Variants in HEMK1 observed in about 807,000 individuals in gnomAD.
HEMK1 encodes the protein HemK methyltransferase 1, mitochondrial release factors N(5)-glutamine, also known as MTRF1L release factor glutamine methyltransferase.
A neutral mutation model predicts 47.9 loss-of-function variants in HEMK1; 36 were observed. That is an observed-to-expected ratio of 0.75 (90% confidence interval 0.58 to 0.99). The LOEUF (loss-of-function observed/expected upper bound fraction) is 0.99. Ranked by LOEUF, HEMK1 falls within the 50% of genes least tolerant of loss-of-function variation. The probability of loss-of-function intolerance (pLI) is 0.00; values close to 1 mark genes in which losing one functional copy is unlikely to be tolerated. For missense variants in HEMK1, 383 were observed against 434.5 expected, an observed-to-expected ratio of 0.88 and a Z score of 1.05; for synonymous variants, 153 against 165.4, an observed-to-expected ratio of 0.93 and a Z score of 0.57.
Position 50,580,149 on chromosome 3 carries a change from G to A in HEMK1, c.900G>A (p.Pro300=), listed in dbSNP as rs145272024. 729 of 1,614,152 alleles carry A rather than the reference G, an allele frequency of 4.5e-4. No individual in the cohort carries two copies. The highest frequency in any genetic ancestry group is 5.6e-4 in the Non-Finnish European group (666 of 1,180,014). ...TCTTAGAAGTGGACCCAAGGCACCCGGAGCTTGTCAGCAGCTGGCTTCAGA... is the reference window on the plus strand; with the variant it reads ...TCTTAGAAGTGGACCCAAGGCACCCAGAGCTTGTCAGCAGCTGGCTTCAGA... ...SIFLEVDPRH[P]ELVSSWLQSR... The change falls in exon 10 of 11, where the codon CCG becomes CCA. Residue 300 remains proline (P), a synonymous_variant. Transcript: ENST00000232854.
chr3:50,588,980 C>A lies in HEMK1; in HGVS notation c.*8563C>A, dbSNP rs1487226639. 1.3e-5 allele frequency: 2 copies of A among 152,202 alleles called. No homozygotes were observed. The highest frequency in any genetic ancestry group is 2.9e-5 in the Non-Finnish European group (2 of 68,030). 9.4% of individuals were successfully genotyped at this position (152,202 alleles called of 1,614,324 possible). ...CCCAGAACTTTGGAGCTCATTCTTTCAAAGTACATTTCATGTGCAACTGAA... is the reference window on the plus strand; with the variant it reads ...CCCAGAACTTTGGAGCTCATTCTTTAAAAGTACATTTCATGTGCAACTGAA... On this transcript the variant is annotated 3_prime_UTR_variant, in exon 11 of 11. Coordinates refer to ENST00000232854, the MANE Select transcript of HEMK1 (RefSeq NM_016173.5).
In HEMK1 at chr3:50,577,079, G is replaced by A. The variant is rs532888829; in HGVS notation, c.442G>A (p.Val148Met). 5.0e-6 allele frequency: 8 copies of A among 1,613,996 alleles called. No homozygotes were observed. The highest frequency in any genetic ancestry group is 6.8e-6 in the Non-Finnish European group (8 of 1,179,978). The change falls in exon 5 of 11, where the codon GTG becomes ATG. Residue 148 changes from valine (V) to methionine (M), a missense_variant. Val to Met is a conservative substitution (Grantham distance 21). Transcript: ENST00000232854. The stretch of plus-strand genomic sequence containing the variant: ...ACTGGTTGAGTGGGTGCTGGAAGAG[G>A]TGGCCCAGAGGTCCCATGCTGTGGG... ...EELVEWVLEE[V>M]AQRSHAVGSP...
chr3:50,578,409 A>G (rs1175489957), intron 7 of HEMK1, among the ~76,000 whole-genome samples: 1 of 152,214 alleles, frequency 6.6e-6, no homozygotes, highest in Non-Finnish European at 1.5e-5. Context: ...TGAAACCAGT[A>G]GTCAGAGCCA....
chr3:50,575,633 G>A (rs1701506108), intron 4 of HEMK1, among the ~76,000 whole-genome samples: 1 of 152,138 alleles, frequency 6.6e-6, no homozygotes, highest in South Asian at 2.1e-4. Context: ...GCTTGAGGAA[G>A]GCTTTCTGGA....
Position 50,571,169 on chromosome 3 carries a change from G to A in HEMK1, c.65G>A (p.Arg22Gln), listed in dbSNP as rs373670579. The A allele has an allele frequency of 3.3e-5, 54 of 1,613,428 alleles. 1 individual carries two copies. Among genetic ancestry groups the A allele is most frequent in the Middle Eastern group, 1.6e-4 (1 of 6,068 alleles). Reference protein sequence around the residue: ...LSGPGRRGSTRGWAFSSWQPQ... With the variant: ...LSGPGRRGSTQGWAFSSWQPQ... ...GGCCCAGGGAGGAGGGGAAGTACCC[G>A]GGGCTGGGCCTTCAGCTCATGGCAA... is the stretch of plus-strand genomic sequence containing the variant. The change falls in exon 2 of 11, where the codon CGG becomes CAG. Residue 22 changes from arginine to glutamine, a missense_variant. Coordinates refer to ENST00000232854, the MANE Select transcript of HEMK1 (RefSeq NM_016173.5).
At chr3:50,579,736 A>C in intron 8 of HEMK1, 108 bp from the exon 9 acceptor site, 1 of 790,632 alleles carries the variant, frequency 1.3e-6, no homozygotes, top group Non-Finnish European at 2.1e-6. Flanking sequence ...CCTTCAGCCC[A>C]GAGTGTAAGT....
chr3:50,572,624 C>A (rs770418516), intron 4 of HEMK1, among the ~76,000 whole-genome samples: 2 of 152,232 alleles, frequency 1.3e-5, no homozygotes, highest in Non-Finnish European at 2.9e-5. Flanking sequence ...ATCAGCTGTG[C>A]AACCTTGGGC....
Position 50,595,850 on chromosome 3 carries a change from C to T in HEMK1, c.*15433C>T, listed in dbSNP as rs2031948434. The T allele has an allele frequency of 6.6e-6, 1 of 152,204 alleles. No individual in the cohort carries two copies. The highest frequency in any genetic ancestry group is 6.5e-5 in the Admixed American group (1 of 15,286). 9.4% of individuals were successfully genotyped at this position (152,204 alleles called of 1,614,324 possible). On this transcript the variant is annotated 3_prime_UTR_variant, in exon 11 of 11. Coordinates refer to ENST00000232854, the MANE Select transcript of HEMK1 (RefSeq NM_016173.5). ...TGACTCTCTTTCCTCCAGACCTCTC[C>T]TGCAAACAACGCAGGGGAGCCACGC...
intron 7 of HEMK1, among the ~76,000 whole-genome samples, chr3:50,578,324 T>G (rs2030129356): frequency 6.6e-6 from 1 of 152,176 alleles, no homozygotes; most frequent in Non-Finnish European, 1.5e-5. Context: ...CTCCATTGCC[T>G]TACCCGTGGG....
In HEMK1 at chr3:50,590,693, C is replaced by T. The variant is rs2031675940; in HGVS notation, c.*10276C>T. ...GCTCCAGCCCCCATAGCCTGAGGCT[C>T]CCGGCACCTCCCACCCAGCATCTGT... On this transcript the variant is annotated 3_prime_UTR_variant, in exon 11 of 11. Transcript: ENST00000232854. 1 of 152,236 alleles carries T rather than the reference C, an allele frequency of 6.6e-6. No individual in the cohort carries two copies. The highest frequency in any genetic ancestry group is 1.9e-4 in the East Asian group (1 of 5,194). 9.4% of individuals were successfully genotyped at this position (152,236 alleles called of 1,614,324 possible). A position where few individuals can be genotyped will look rare whatever the true frequency, so the allele number is the denominator to read the frequency against.
At chr3:50,578,959 C>A in intron 8 of HEMK1, 33 bp downstream of exon 8, 2 of 1,496,176 alleles carry the variant, frequency 1.3e-6, no homozygotes, top group Non-Finnish European at 1.8e-6. Context: ...GAGGCCAGGC[C>A]TGAAAAGGCC....
In HEMK1 at chr3:50,592,925, A is replaced by C. The variant is rs1304427680; in HGVS notation, c.*12508A>C. Reference sequence around the variant, plus strand: ...ACTCCTCTGTACCCTGAGCACCATCAACTGGGTGCCAGGCCTGTGCCTATA... The same window carrying C: ...ACTCCTCTGTACCCTGAGCACCATCCACTGGGTGCCAGGCCTGTGCCTATA... On this transcript the variant is annotated 3_prime_UTR_variant, in exon 11 of 11. Coordinates refer to ENST00000232854, the MANE Select transcript of HEMK1 (RefSeq NM_016173.5). 6.6e-6 allele frequency: 1 copy of C among 152,254 alleles called. No individual in the cohort carries two copies. The highest frequency in any genetic ancestry group is 1.5e-5 in the Non-Finnish European group (1 of 68,080). The allele number at this position is 152,254 out of a possible 1,614,324, so 9.4% of individuals were successfully genotyped here.
chr3:50,578,016 G>T (rs2030001277), intron 7 of HEMK1, 141 bp downstream of exon 7: 2 of 805,740 alleles, frequency 2.5e-6, no homozygotes. Context: ...ACACGTGTGT[G>T]TGTGCACGTT....
chr3:50,577,022 G>C lies in HEMK1; in HGVS notation c.415-30G>C, dbSNP rs1318609939. 4.3e-6 allele frequency: 7 copies of C among 1,612,488 alleles called. No homozygotes were observed. In the Admixed American group the frequency reaches 8.4e-5, roughly 19 times the overall value. The stretch of plus-strand genomic sequence containing the variant: ...GACCCCCAGGAGCCACGTTGGCACC[G>C]ACTCTGATCCAGATCCCTCTGCTTC... On this transcript the variant is annotated intron_variant, in intron 4 of 10. Coordinates refer to ENST00000232854, the MANE Select transcript of HEMK1 (RefSeq NM_016173.5).
chr3:50,570,971 G>C lies in HEMK1; in HGVS notation c.-134G>C, dbSNP rs1253342813. ...TATCTGAGGACCAGAGCCATTTTGG[G>C]GCACCAGAGCTTGTGACCTCTCCAT... On this transcript the variant is annotated 5_prime_UTR_variant, in exon 2 of 11. Transcript: ENST00000232854. The C allele has an allele frequency of 1.6e-6, 1 of 606,636 alleles. No individual in the cohort carries two copies. Among genetic ancestry groups the C allele is most frequent in the Non-Finnish European group, 2.8e-6 (1 of 359,484 alleles). The allele number at this position is 606,636 out of a possible 1,614,324, so 37.6% of individuals were successfully genotyped here.
chr3:50,572,351 CTG>C (rs1460738668), intron 4 of HEMK1, 143 bp downstream of exon 4: 2 of 829,432 alleles, frequency 2.4e-6, no homozygotes, highest in African/African-American at 1.7e-5. Context: ...TCCTCTCTGA[CTG>C]TGTTGGCAGA....
At chr3:50,579,059 C>T in intron 8 of HEMK1, 133 bp downstream of exon 8, 1 of 643,884 alleles carries the variant, frequency 1.6e-6, no homozygotes, top group Non-Finnish European at 2.7e-6. Context: ...AGTTGACGCA[C>T]TCGAGAGCCC....
At chr3:50,569,790 T>A (rs960325744) in intron 1 of HEMK1, 41 of 152,400 alleles carry the variant, frequency 2.7e-4, no homozygotes, top group African/African-American at 8.9e-4. Flanking sequence ...CAAGAGCCGC[T>A]TCTGGAGTCT....
intron 1 of HEMK1, chr3:50,570,548 T>C (rs543194264): frequency 6.6e-6 from 1 of 152,450 alleles, no homozygotes; most frequent in Admixed American, 6.5e-5. Context: ...TGGATATTCA[T>C]AGACTAATGC....
Sources: gnomAD v4.1 joint callset for allele counts (sites outside exome capture counted in the v4.1 genomes callset) on GRCh38, gnomAD v4.1.1 for gene constraint, MANE v1.5 for transcripts, NCBI Gene and HGNC (gene_info 2026-07-23, HGNC 2026-07-21) for gene names.